The following VCF1 variants were observed in gnomAD, a reference collection of about 807,000 sequenced individuals.
VCF1 encodes VCP nuclear cofactor family member 1.
chr17:73,207,722 C>G, the VCF1 span: 14 of 1,291,760 alleles, frequency 1.1e-5, no homozygotes, highest in African/African-American at 3.0e-5. Flanking sequence ...ACTGTTAAGC[C>G]TGCAGGAATC....
chr17:73,227,340 A>G, the VCF1 span: 3 of 1,208,198 alleles, frequency 2.5e-6, no homozygotes, highest in South Asian at 4.7e-5. Flanking sequence ...TGCAAACCAT[A>G]ACAACATATA....
At chr17:73,232,076 T>G in the VCF1 span, 1 of 1,594,684 alleles carries the variant, frequency 6.3e-7, no homozygotes, top group Non-Finnish European at 8.5e-7. Flanking sequence ...GGGGGTCCCT[T>G]CCCTCTCACC....
the VCF1 span, among the ~76,000 whole-genome samples, chr17:73,223,884 A>G: frequency 0.91 from 138,740 of 151,822 alleles, 64,060 homozygotes; most frequent in Non-Finnish European, 0.99. Flanking sequence ...AGGAGGCTGA[A>G]GAGGAAGGAT....
At chr17:73,213,587 CTATTT>C in the VCF1 span, among the ~76,000 whole-genome samples, 1 of 152,298 alleles carries the variant, frequency 6.6e-6, no homozygotes, top group East Asian at 1.9e-4. Context: ...TTTGGATCTT[CTATTT>C]TATTTTAAAA....
At chr17:73,227,575 C>G in the VCF1 span, 3 of 963,132 alleles carry the variant, frequency 3.1e-6, no homozygotes, top group Non-Finnish European at 3.7e-6. Context: ...AAGCTTTCAA[C>G]CTCTAACCTA....
the VCF1 span, chr17:73,207,620 C>G: frequency 9.4e-7 from 1 of 1,068,988 alleles, no homozygotes; most frequent in African/African-American, 1.6e-5. Flanking sequence ...TTTTATCTTC[C>G]CTTTTAGTTG....
At chr17:73,225,552 A>G in the VCF1 span, among the ~76,000 whole-genome samples, 1 of 152,056 alleles carries the variant, frequency 6.6e-6, no homozygotes, top group African/African-American at 2.4e-5. Context: ...ACGTTAATAC[A>G]GAGAGTTAGA....
chr17:73,208,099 C>A, the VCF1 span: 1 of 1,446,274 alleles, frequency 6.9e-7, no homozygotes, highest in Non-Finnish European at 9.1e-7. Flanking sequence ...CCAAGACAGT[C>A]CTCATTTCCA....
the VCF1 span, among the ~76,000 whole-genome samples, chr17:73,216,253 A>C: frequency 6.6e-6 from 1 of 152,224 alleles, no homozygotes; most frequent in African/African-American, 2.4e-5. Context: ...CGAGGAGGAC[A>C]GAAAGAACTC....
the VCF1 span, among the ~76,000 whole-genome samples, chr17:73,210,153 G>A: frequency 1.3e-5 from 2 of 152,100 alleles, no homozygotes; most frequent in African/African-American, 4.8e-5. Context: ...GCCTCCAAGG[G>A]AATGTATGAG....
At chr17:73,222,103 A>AG in the VCF1 span, among the ~76,000 whole-genome samples, 1 of 149,970 alleles carries the variant, frequency 6.7e-6, no homozygotes, top group Non-Finnish European at 1.5e-5. Context: ...GAGGCTGAGC[A>AG]GGGAGGAGTG....
chr17:73,218,584 T>G, the VCF1 span, among the ~76,000 whole-genome samples: 4 of 152,248 alleles, frequency 2.6e-5, no homozygotes, highest in African/African-American at 9.6e-5. Flanking sequence ...TTTAACATTC[T>G]GTTTCAATAA....
the VCF1 span, chr17:73,227,409 A>G: frequency 1.5e-6 from 1 of 677,784 alleles, no homozygotes; most frequent in Non-Finnish European, 2.2e-6. Flanking sequence ...ATAGGTTATC[A>G]GTTGGAAGTA....
At chr17:73,225,010 C>CATAGG in the VCF1 span, among the ~76,000 whole-genome samples, 1 of 43,392 alleles carries the variant, frequency 2.3e-5, no homozygotes, top group African/African-American at 8.0e-5. Context: ...GACAGGACAG[C>CATAGG]ATAGGATAGG....
chr17:73,215,427 C>T, the VCF1 span, among the ~76,000 whole-genome samples: 8 of 152,040 alleles, frequency 5.3e-5, no homozygotes, highest in South Asian at 6.2e-4. Flanking sequence ...GGACTACAGG[C>T]GCATGCCACC....
At chr17:73,219,007 G>A in the VCF1 span, among the ~76,000 whole-genome samples, 6 of 151,730 alleles carry the variant, frequency 4.0e-5, no homozygotes, top group Non-Finnish European at 8.8e-5. Context: ...ATGGCAGAGC[G>A]AGACTCCGTC....
chr17:73,217,646 C>T, the VCF1 span, among the ~76,000 whole-genome samples: 1 of 151,540 alleles, frequency 6.6e-6, no homozygotes, highest in East Asian at 2.0e-4. Context: ...GAGACTCTGC[C>T]TCAAAAATAA....
At chr17:73,217,768 T>C in the VCF1 span, among the ~76,000 whole-genome samples, 116 of 151,900 alleles carry the variant, frequency 7.6e-4, no homozygotes, top group African/African-American at 2.7e-3. Context: ...GCTCAGGAGT[T>C]TGAGACCAGC....
the VCF1 span, among the ~76,000 whole-genome samples, chr17:73,215,217 C>T: frequency 4.6e-5 from 7 of 152,168 alleles, no homozygotes; most frequent in Admixed American, 4.6e-4. Flanking sequence ...TCCTTATAAC[C>T]GCAGACATCT....
Sources: allele counts gnomAD v4.1 joint callset (sites outside exome capture counted in the v4.1 genomes callset), GRCh38; gene constraint gnomAD v4.1.1; transcripts MANE v1.5; gene names NCBI Gene and HGNC (gene_info 2026-07-23, HGNC 2026-07-21).